PDE10A: variants seen among roughly 807,000 people sequenced by gnomAD.
The protein encoded by PDE10A is phosphodiesterase 10A.
Under a neutral mutation model 97.7 loss-of-function variants are expected in PDE10A, and 39 were observed. That is an observed-to-expected ratio of 0.40 (90% CI 0.31 to 0.52). The LOEUF is 0.52. Among genes scored for constraint, PDE10A ranks in the 20% least tolerant of loss-of-function variants. The pLI, the probability that PDE10A is intolerant of heterozygous loss-of-function variation, is 0.56. For synonymous variants in PDE10A, 371 were observed against 376.8 expected (o/e 0.98, Z 0.18); for missense variants, 731 against 1,047.8 (o/e 0.70, Z 4.17).
intron 1 of PDE10A, among the ~76,000 whole-genome samples, chr6:165,809,949 C>T (rs1013994971): frequency 6.6e-6 from 1 of 152,198 alleles, no homozygotes; most frequent in Non-Finnish European, 1.5e-5. Context: ...GATAAATTCG[C>T]TCTGTGCAAT....
intron 1 of PDE10A, among the ~76,000 whole-genome samples, chr6:165,957,947 T>C (rs1784187338): frequency 6.6e-6 from 1 of 152,220 alleles, no homozygotes. Flanking sequence ...CTCTCAGGGC[T>C]GGAGAGCAAG....
chr6:165,848,049 G>A (rs1714074735), intron 1 of PDE10A, among the ~76,000 whole-genome samples: 1 of 151,854 alleles, frequency 6.6e-6, no homozygotes, highest in East Asian at 1.9e-4. Context: ...GCCACATTGA[G>A]TTTTGCCCAG....
At chr6:165,982,237 C>G (rs1332060104) in intron 1 of PDE10A, among the ~76,000 whole-genome samples, 1 of 152,126 alleles carries the variant, frequency 6.6e-6, no homozygotes, top group Non-Finnish European at 1.5e-5. Flanking sequence ...CCAAATGTCC[C>G]CTAGATTCAT....
At chr6:165,891,950 CT>C (rs67794234) in intron 1 of PDE10A, among the ~76,000 whole-genome samples, 55 of 60,440 alleles carry the variant, frequency 9.1e-4, no homozygotes, top group African/African-American at 9.7e-4. Flanking sequence ...ACACCTTGGA[CT>C]TTTTTTTTTT....
chr6:165,358,998 G>C (rs1358549934), intron 18 of PDE10A, among the ~76,000 whole-genome samples: 1 of 151,662 alleles, frequency 6.6e-6, no homozygotes, highest in African/African-American at 2.4e-5. Context: ...CTTCACAAAT[G>C]TAAGAAACTT....
Position 165,689,229 on chromosome 6 carries a change from T to C in PDE10A, c.-614-145661A>G, listed in dbSNP as rs181855750. ...GTTAAGTGATAGTTCAGCTTCAGTA[T>C]CTTTAAAGTGGATAAAACGACACTA... is the stretch of plus-strand genomic sequence containing the variant. On this transcript the variant is annotated intron_variant, in intron 1 of 19. Transcript: ENST00000366882. 1.2e-4 allele frequency among the ~76,000 whole-genome samples: 19 copies of C among 152,342 alleles called. No homozygotes were observed. In the East Asian group the frequency reaches 3.7e-3, roughly 29 times the overall value.
At chr6:165,888,333 T>A (rs1001050622) in intron 1 of PDE10A, among the ~76,000 whole-genome samples, 4 of 152,058 alleles carry the variant, frequency 2.6e-5, no homozygotes, top group African/African-American at 9.7e-5. Context: ...GTCGCCAGCC[T>A]GGAGTGCAGT....
rs1223383392 is a variant in PDE10A at position 165,662,867 on chromosome 6, C to CGGGGCTCGGTGGGCT, written c.-71_-57dup. Among the ~76,000 whole-genome samples, 61 of 150,826 alleles carry CGGGGCTCGGTGGGCT rather than the reference C, an allele frequency of 4.0e-4. No individual in the cohort carries two copies. Among genetic ancestry groups the CGGGGCTCGGTGGGCT allele is most frequent in the African/African-American group, 1.5e-3 (60 of 41,278 alleles). On this transcript the variant is annotated 5_prime_UTR_variant, in exon 1 of 22. Transcript: ENST00000539869. ...CGCGGGCGGGAGGGGCGCGGCGGGC[C>CGGGGCTCGGTGGGCT]GGGGCTCGGTGGGCTCCGCCCCCGC...
chr6:165,837,200 A>T (rs927637269), intron 1 of PDE10A, among the ~76,000 whole-genome samples: 5 of 126,222 alleles, frequency 4.0e-5, no homozygotes, highest in African/African-American at 8.9e-5. Flanking sequence ...AAAGTATAAT[A>T]AAAAAAAAAG....
chr6:165,522,502 A>T (rs1237065206), intron 2 of PDE10A, among the ~76,000 whole-genome samples: 1 of 152,098 alleles, frequency 6.6e-6, no homozygotes, highest in Non-Finnish European at 1.5e-5. Flanking sequence ...AAGACCACAT[A>T]AAAAAAGGTC....
At chr6:165,449,111 T>C in intron 4 of PDE10A, 134 bp from the exon 5 acceptor site, 1 of 637,326 alleles carries the variant, frequency 1.6e-6, no homozygotes, top group Non-Finnish European at 2.9e-6. Flanking sequence ...ATGCAGTAAA[T>C]GGAACAAAAT....
At chr6:165,572,292 T>G (rs1785085939) in intron 1 of PDE10A, among the ~76,000 whole-genome samples, 1 of 152,200 alleles carries the variant, frequency 6.6e-6, no homozygotes, top group African/African-American at 2.4e-5. Flanking sequence ...CTTACAGAAT[T>G]ACTGAAATAC....
chr6:165,770,084 C>T (rs906182040), intron 1 of PDE10A, among the ~76,000 whole-genome samples: 4 of 151,374 alleles, frequency 2.6e-5, no homozygotes, highest in African/African-American at 4.9e-5. Context: ...ACCTAGCTTC[C>T]GTCTCTAGTC....
intron 1 of PDE10A, among the ~76,000 whole-genome samples, chr6:165,571,338 T>C (rs531834826): frequency 2.0e-5 from 3 of 152,274 alleles, no homozygotes; most frequent in African/African-American, 7.2e-5. Context: ...GCAAACACCA[T>C]GAAATTCTGT....
chr6:165,898,924 C>G (rs1332268298), intron 1 of PDE10A, among the ~76,000 whole-genome samples: 1 of 152,206 alleles, frequency 6.6e-6, no homozygotes, highest in Non-Finnish European at 1.5e-5. Flanking sequence ...GTGCATCATT[C>G]CCCCATTTCT....
At chr6:165,530,297 G>A (rs2322933) in intron 2 of PDE10A, among the ~76,000 whole-genome samples, 2 of 134,568 alleles carry the variant, frequency 1.5e-5, no homozygotes, top group Non-Finnish European at 3.3e-5. Context: ...GTGTGTGTGT[G>A]TACACACACA....
intron 16 of PDE10A, among the ~76,000 whole-genome samples, chr6:165,389,162 G>A (rs940683847): frequency 6.6e-6 from 1 of 152,078 alleles, no homozygotes; most frequent in Non-Finnish European, 1.5e-5. Context: ...GTCGAGGGCA[G>A]GGGAAGCAGT....
intron 2 of PDE10A, among the ~76,000 whole-genome samples, chr6:165,503,553 G>A (rs1046936987): frequency 5.9e-5 from 9 of 152,136 alleles, no homozygotes; most frequent in African/African-American, 1.2e-4. Flanking sequence ...AACGTGGCAC[G>A]AGATTCAATA....
chr6:165,650,443 G>A (rs1167357906), intron 1 of PDE10A, among the ~76,000 whole-genome samples: 4 of 151,634 alleles, frequency 2.6e-5, no homozygotes, highest in Non-Finnish European at 4.4e-5. Flanking sequence ...GTTTCTTTAC[G>A]CAATCACAAA....
Sources: allele counts gnomAD v4.1 joint callset (sites outside exome capture counted in the v4.1 genomes callset), GRCh38; gene constraint gnomAD v4.1.1; transcripts MANE v1.5; gene names NCBI Gene and HGNC (gene_info 2026-07-23, HGNC 2026-07-21).